Variants in GNS observed in about 807,000 individuals in gnomAD.
The protein encoded by GNS is glucosamine (N-acetyl)-6-sulfatase.
Under a neutral mutation model 69.7 loss-of-function variants are expected in GNS, and 40 were observed. That is an observed-to-expected ratio of 0.57 (90% confidence interval 0.45 to 0.75). GNS has a LOEUF of 0.75. Ranked by LOEUF, GNS falls within the 30% of genes least tolerant of loss-of-function variation. The pLI, the probability that GNS is intolerant of heterozygous loss-of-function variation, is 0.00. For missense variants in GNS, 565 were observed against 685.5 expected (o/e 0.82, Z 1.96); for synonymous variants, 243 against 251.6 (o/e 0.97, Z 0.32).
intron 7 of GNS, 123 bp from the exon 8 acceptor site, chr12:64,739,622 CAA>C: frequency 1.5e-6 from 1 of 647,396 alleles, no homozygotes; most frequent in East Asian, 2.7e-5. Context: ...AAAAAAAATC[CAA>C]AACAACCCCC....
Position 64,740,596 on chromosome 12 carries a change from C to CA in GNS, c.875+9dup. The stretch of plus-strand genomic sequence containing the variant: ...AACCACTCAGATTGTTATGTAGCAG[C>CA]AGCTCTTACCTTTTCCTAAATGCAT... On this transcript the variant is annotated intron_variant, in intron 7 of 13. Transcript: ENST00000258145. 7.2e-7 allele frequency: 1 copy of CA among 1,389,908 alleles called. No individual in the cohort carries two copies. The highest frequency in any genetic ancestry group is 1.8e-4 in the Middle Eastern group (1 of 5,708). 86.1% of individuals were successfully genotyped at this position (1,389,908 alleles called of 1,614,324 possible). A position where few individuals can be genotyped will look rare whatever the true frequency, so the allele number is the denominator to read the frequency against.
In GNS at chr12:64,737,018, T is replaced by G. The variant is rs1046086978; in HGVS notation, c.1084A>C (p.Asn362His). 3.2e-6 allele frequency: 5 copies of G among 1,562,092 alleles called. No homozygotes were observed. The African/African-American group carries it at 6.8e-5, about 21-fold the overall frequency. ...LLVRGPGIKPNQTSKMLVANI... is the reference protein window; with the variant it reads ...LLVRGPGIKPHQTSKMLVANI... ...CAGGCACCTACCTTGCTTGTCTGATTTGGTTTGATCCCAGGTCCTCGAACC... is the reference window on the plus strand; with the variant it reads ...CAGGCACCTACCTTGCTTGTCTGATGTGGTTTGATCCCAGGTCCTCGAACC... Residue 362 changes from asparagine (N) to histidine (H), a missense_variant, in exon 9 of 14, where the codon AAT becomes CAT. Around this residue, in one of 2 missense-constraint regions of GNS, gnomAD observed 384 missense variants for 511.0 expected, o/e 0.75. Coordinates refer to ENST00000258145, the MANE Select transcript of GNS (RefSeq NM_002076.4).
At chr12:64,751,671 A>G (rs1395111650) in intron 2 of GNS, among the ~76,000 whole-genome samples, 1 of 152,222 alleles carries the variant, frequency 6.6e-6, no homozygotes, top group African/African-American at 2.4e-5. Flanking sequence ...AATAACCAAC[A>G]TCATGTAGTA....
At chr12:64,723,174 GTAAT>G in intron 10 of GNS, 61 bp from the exon 11 acceptor site, 1 of 1,021,636 alleles carries the variant, frequency 9.8e-7, no homozygotes. Flanking sequence ...AGATCACAAA[GTAAT>G]TGACTGCTAA....
intron 10 of GNS, among the ~76,000 whole-genome samples, chr12:64,726,437 A>G (rs1394646702): frequency 1.3e-5 from 2 of 152,214 alleles, no homozygotes; most frequent in African/African-American, 2.4e-5. Context: ...AACTTTTAGG[A>G]GAAAATATAG....
intron 9 of GNS, among the ~76,000 whole-genome samples, chr12:64,734,121 CA>C (rs1472384081): frequency 6.6e-6 from 1 of 152,128 alleles, no homozygotes. Flanking sequence ...TTCTTTGTGC[CA>C]GGGGAAAGCT....
Position 64,714,152 on chromosome 12 carries a change from C to G in GNS, c.*2589G>C, listed in dbSNP as rs1433152801. 6.6e-6 allele frequency: 1 copy of G among 152,150 alleles called. No homozygotes were observed. The highest frequency in any genetic ancestry group is 1.5e-5 in the Non-Finnish European group (1 of 68,032). 9.4% of individuals were successfully genotyped at this position (152,150 alleles called of 1,614,324 possible). On this transcript the variant is annotated 3_prime_UTR_variant, in exon 14 of 14. Transcript: ENST00000258145. ...CTCAAAAAAAAAGTGTTTGCAACAG[C>G]ACCATTTGTCAAATTCAAAGATGCT...
At chr12:64,727,367 CTGAGGCTGCA>C (rs376436055) in intron 10 of GNS, among the ~76,000 whole-genome samples, 94,098 of 151,476 alleles carry the variant, frequency 0.62, 29,595 homozygotes, top group East Asian at 0.88. Context: ...GCGTAGGAGA[CTGAGGCTGCA>C]GTGAGCTGTG....
chr12:64,759,272 C>G lies in GNS; in HGVS notation c.5G>C (p.Arg2Pro), dbSNP rs759075764. Residue 2 changes from arginine to proline, a missense_variant, in exon 1 of 14, where the codon CGG becomes CCG. Arg to Pro is a moderately radical substitution (Grantham distance 103). This residue lies in a region of GNS where 181 missense variants were observed against 174.4 expected (regional missense o/e 1.04). Transcript: ENST00000258145. ...CCGACCTGGGGCTAGAGGCAGGAGCCGCATAGCGGACAGGCTCCGGGGTGA... is the reference window on the plus strand; with the variant it reads ...CCGACCTGGGGCTAGAGGCAGGAGCGGCATAGCGGACAGGCTCCGGGGTGA... M[R>P]LLPLAPGRLR... is the part of the protein sequence containing the mutation. 3.2e-4 allele frequency: 488 copies of G among 1,519,998 alleles called. 1 individual carries two copies. The highest frequency in any genetic ancestry group is 4.1e-4 in the Non-Finnish European group (462 of 1,133,508). 94.2% of individuals were successfully genotyped at this position (1,519,998 alleles called of 1,614,324 possible).
chr12:64,755,318 C>T (rs893057837), intron 1 of GNS, among the ~76,000 whole-genome samples: 1 of 152,128 alleles, frequency 6.6e-6, no homozygotes, highest in Non-Finnish European at 1.5e-5. Flanking sequence ...ATTCTCACAC[C>T]TGTAATCCCA....
intron 8 of GNS, among the ~76,000 whole-genome samples, chr12:64,737,684 C>T (rs1225838237): frequency 6.6e-6 from 1 of 152,210 alleles, no homozygotes; most frequent in African/African-American, 2.4e-5. Context: ...AACCACCTGA[C>T]TCATCAATCA....
chr12:64,756,234 C>A (rs1870246098), intron 1 of GNS, among the ~76,000 whole-genome samples: 1 of 152,136 alleles, frequency 6.6e-6, no homozygotes, highest in Admixed American at 6.5e-5. Flanking sequence ...ATCCTTTGAC[C>A]TGAGTGAGAT....
At chr12:64,723,396 A>G (rs1432306131) in intron 10 of GNS, among the ~76,000 whole-genome samples, 1 of 152,250 alleles carries the variant, frequency 6.6e-6, no homozygotes, top group Non-Finnish European at 1.5e-5. Flanking sequence ...CAAGGTAGCT[A>G]AGCAAGAATC....
At chr12:64,756,856 A>C in intron 1 of GNS, 1 of 651,682 alleles carries the variant, frequency 1.5e-6, no homozygotes, top group Non-Finnish European at 2.7e-6. Context: ...AGAAACACTT[A>C]TTAAAAAAAA....
In GNS at chr12:64,751,066, G is replaced by A. The variant is rs552554999; in HGVS notation, c.252+1632C>T. On this transcript the variant is annotated intron_variant, in intron 2 of 13. Transcript: ENST00000258145. ...TAGAGAGTTTATAAATTATGAATGAGGCTGGGCATGGTGGCTCACACCTGT... is the reference window on the plus strand; with the variant it reads ...TAGAGAGTTTATAAATTATGAATGAAGCTGGGCATGGTGGCTCACACCTGT... Among the ~76,000 whole-genome samples, 5 of 151,910 alleles carry A rather than the reference G, an allele frequency of 3.3e-5. No homozygotes were observed. The South Asian group carries it at 6.3e-4, about 19-fold the overall frequency.
chr12:64,748,013 C>T (rs539900569), intron 2 of GNS, 95 bp from the exon 3 acceptor site: 13 of 761,706 alleles, frequency 1.7e-5, no homozygotes, highest in Non-Finnish European at 2.9e-5. Flanking sequence ...CCTTAATACT[C>T]TAACTTCAAA....
Position 64,729,054 on chromosome 12 carries a change from G to C in GNS, c.1102C>G (p.Leu368Val). The C allele has an allele frequency of 6.5e-7, 1 of 1,529,504 alleles. No individual in the cohort carries two copies. The highest frequency in any genetic ancestry group is 1.1e-5 in the South Asian group (1 of 89,394). The allele number at this position is 1,529,504 out of a possible 1,614,324, so 94.7% of individuals were successfully genotyped here. A position where few individuals can be genotyped will look rare whatever the true frequency, so the allele number is the denominator to read the frequency against. Residue 368 changes from leucine (L) to valine (V), a missense_variant, in exon 10 of 14, where the codon CTG becomes GTG. Physicochemically the swap from Leu to Val is conservative, Grantham distance 32. Transcript: ENST00000258145. Reference protein sequence around the residue: ...GIKPNQTSKMLVANIDLGPTI... With the variant: ...GIKPNQTSKMVVANIDLGPTI... ...GGACCCAAGTCAATGTTGGCAACCA[G>C]CATCTATGAGAATGAGGGAAAAACA... is the stretch of plus-strand genomic sequence containing the variant.
At position 64,726,582 on chromosome 12, in the gene GNS, C is replaced by A. The variant is rs968153874; in HGVS notation, c.1200+2374G>T. On this transcript the variant is annotated intron_variant, in intron 10 of 13. Coordinates refer to ENST00000258145, the MANE Select transcript of GNS (RefSeq NM_002076.4). Reference sequence around the variant, plus strand: ...TGATCTCTGCTCACTACAACCTCCACCTGCTTGGCTCAAGCGATCCTGCTA... The same window carrying A: ...TGATCTCTGCTCACTACAACCTCCAACTGCTTGGCTCAAGCGATCCTGCTA... Among the ~76,000 whole-genome samples the A allele has an allele frequency of 3.3e-5, 5 of 152,176 alleles. 1 individual carries two copies. The highest frequency in any genetic ancestry group is 2.0e-4 in the Admixed American group (3 of 15,270).
Position 64,716,498 on chromosome 12 carries a change from G to T in GNS, c.*243C>A. The T allele has an allele frequency of 1.8e-6, 1 of 562,592 alleles. No individual in the cohort carries two copies. The highest frequency in any genetic ancestry group is 2.0e-5 in the South Asian group (1 of 51,240). The allele number at this position is 562,592 out of a possible 1,614,324, so 34.9% of individuals were successfully genotyped here. A position where few individuals can be genotyped will look rare whatever the true frequency, so the allele number is the denominator to read the frequency against. On this transcript the variant is annotated 3_prime_UTR_variant, in exon 14 of 14. Coordinates refer to ENST00000258145, the MANE Select transcript of GNS (RefSeq NM_002076.4). Reference sequence around the variant, plus strand: ...AATACAGTGAGAACAAAGACCTCAGGAGTGTCCTTGTCAGCTAAAGGAAGA... The same window carrying T: ...AATACAGTGAGAACAAAGACCTCAGTAGTGTCCTTGTCAGCTAAAGGAAGA...
Sources: allele counts gnomAD v4.1 joint callset (sites outside exome capture counted in the v4.1 genomes callset), GRCh38; gene constraint gnomAD v4.1.1; regional missense constraint gnomAD v4.1.1; transcripts MANE v1.5; gene names NCBI Gene and HGNC (gene_info 2026-07-23, HGNC 2026-07-21).